GABRB1: variants seen among roughly 807,000 people sequenced by gnomAD.
GABRB1 encodes the protein gamma-aminobutyric acid receptor subunit beta-1.
A neutral mutation model predicts 51.6 loss-of-function variants in GABRB1; 17 were observed. That is an observed-to-expected ratio of 0.33 (90% CI 0.23 to 0.49). The LOEUF is 0.49. Ranked by LOEUF, GABRB1 falls within the 20% of genes least tolerant of loss-of-function variation. The probability of loss-of-function intolerance (pLI) is 0.99; values close to 1 mark genes in which losing one functional copy is unlikely to be tolerated. For missense variants in GABRB1, 410 were observed against 600.6 expected (o/e 0.68, Z 3.32); for synonymous variants, 247 against 218.9 (o/e 1.13, Z -1.14).
At chr4:47,420,027 A>G (rs969685583) in intron 8 of GABRB1, among the ~76,000 whole-genome samples, 13 of 152,174 alleles carry the variant, frequency 8.5e-5, no homozygotes, top group African/African-American at 3.1e-4. Context: ...TAAAAAAGAG[A>G]ATCCATTATG....
At chr4:47,289,039 CT>C (rs1004660682) in intron 4 of GABRB1, among the ~76,000 whole-genome samples, 30 of 147,806 alleles carry the variant, frequency 2.0e-4, no homozygotes, top group African/African-American at 3.5e-4. Context: ...GCACAAGCCT[CT>C]TTTTTTTTTG....
Position 47,403,331 on chromosome 4 carries a change from T to G in GABRB1, c.558T>G (p.Thr186=), listed in dbSNP as rs766659904. 1.9e-6 allele frequency: 3 copies of G among 1,614,036 alleles called. No individual in the cohort carries two copies. The highest frequency in any genetic ancestry group is 2.5e-6 in the Non-Finnish European group (3 of 1,179,908). ...TATTGGTTTCAGATGGCTATACCAC[T>G]GATGACATTGAATTTTACTGGAATG... ...TLEIESYGYT[T]DDIEFYWNGG... Residue 186 remains threonine (T), a synonymous_variant, in exon 6 of 9, where the codon ACT becomes ACG. Coordinates refer to ENST00000295454, the MANE Select transcript of GABRB1 (RefSeq NM_000812.4).
chr4:47,246,626 C>T (rs188448771), intron 4 of GABRB1, among the ~76,000 whole-genome samples: 1 of 151,476 alleles, frequency 6.6e-6, no homozygotes, highest in African/African-American at 2.4e-5. Flanking sequence ...AGTGGTTGTA[C>T]TAGTTTACAT....
chr4:47,372,632 C>T (rs1727236824), intron 5 of GABRB1, among the ~76,000 whole-genome samples: 1 of 152,210 alleles, frequency 6.6e-6, no homozygotes, highest in Non-Finnish European at 1.5e-5. Context: ...CAAGTCGGCT[C>T]TGTCACCCTG....
At chr4:47,302,419 AT>A (rs1196840037) in intron 4 of GABRB1, among the ~76,000 whole-genome samples, 1 of 152,006 alleles carries the variant, frequency 6.6e-6, no homozygotes, top group Non-Finnish European at 1.5e-5. Context: ...AGTTCGGCAT[AT>A]TTCTGAATAT....
chr4:47,422,397 A>G (rs1382104164), intron 8 of GABRB1, among the ~76,000 whole-genome samples: 2 of 152,106 alleles, frequency 1.3e-5, no homozygotes, highest in African/African-American at 2.4e-5. Flanking sequence ...GAGTCCATAC[A>G]AACTCCCTTC....
At chr4:46,995,919 G>T (rs1020814388) in intron 1 of GABRB1, among the ~76,000 whole-genome samples, 2 of 152,016 alleles carry the variant, frequency 1.3e-5, no homozygotes, top group Non-Finnish European at 2.9e-5. Flanking sequence ...TAGTATTTAA[G>T]TTCAGCTGAA....
intron 5 of GABRB1, among the ~76,000 whole-genome samples, chr4:47,378,333 G>T (rs549897385): frequency 1.3e-5 from 2 of 152,204 alleles, no homozygotes; most frequent in African/African-American, 2.4e-5. Context: ...CGGCAGGGCC[G>T]GCCGGCCGCT....
intron 5 of GABRB1, among the ~76,000 whole-genome samples, chr4:47,328,230 A>G (rs1213899485): frequency 6.6e-6 from 1 of 152,108 alleles, no homozygotes; most frequent in African/African-American, 2.4e-5. Context: ...TCAGATGAGT[A>G]GATTTCAAAA....
chr4:47,355,275 A>G (rs1016782916), intron 5 of GABRB1, among the ~76,000 whole-genome samples: 1 of 151,754 alleles, frequency 6.6e-6, no homozygotes, highest in Non-Finnish European at 1.5e-5. Flanking sequence ...GCCACCACAC[A>G]TGGCCTAGTC....
intron 1 of GABRB1, among the ~76,000 whole-genome samples, chr4:47,026,200 T>C (rs1042985792): frequency 1.3e-5 from 2 of 152,010 alleles, no homozygotes; most frequent in African/African-American, 4.8e-5. Flanking sequence ...TTCTAGCATT[T>C]TTTATTATAT....
intron 4 of GABRB1, among the ~76,000 whole-genome samples, chr4:47,184,207 C>A (rs999625031): frequency 1.3e-5 from 2 of 151,892 alleles, no homozygotes; most frequent in Non-Finnish European, 2.9e-5. Flanking sequence ...TATAACTCTG[C>A]CAGTCTGCCA....
chr4:47,311,181 G>A (rs1724659055), intron 4 of GABRB1, among the ~76,000 whole-genome samples: 1 of 151,760 alleles, frequency 6.6e-6, no homozygotes, highest in Non-Finnish European at 1.5e-5. Context: ...ATCATTTGAG[G>A]TCAGGAGTTC....
intron 1 of GABRB1, among the ~76,000 whole-genome samples, chr4:47,005,670 A>C (rs905735839): frequency 6.7e-6 from 1 of 149,566 alleles, no homozygotes; most frequent in African/African-American, 2.5e-5. Flanking sequence ...CCAAGGACTA[A>C]AAATGTCCTT....
chr4:47,297,042 AG>A (rs1691319773), intron 4 of GABRB1, among the ~76,000 whole-genome samples: 1 of 152,192 alleles, frequency 6.6e-6, no homozygotes. Flanking sequence ...GCAGAAATAA[AG>A]ATGTTCTTTG....
rs577430044 is a variant in GABRB1 at position 47,293,617 on chromosome 4, T to C, written c.462-26510T>C. Among the ~76,000 whole-genome samples, 50 of 152,358 alleles carry C rather than the reference T, an allele frequency of 3.3e-4. No homozygotes were observed. The South Asian group carries it at 9.7e-3, about 30-fold the overall frequency. ...CAAAAAATTATGAAAGATTTGAACA[T>C]TTAATTAAGATAAGGTCATGGATGC... On this transcript the variant is annotated intron_variant, in intron 4 of 8. Coordinates refer to ENST00000295454, the MANE Select transcript of GABRB1 (RefSeq NM_000812.4).
chr4:47,063,836 G>A (rs1188133349), intron 3 of GABRB1, among the ~76,000 whole-genome samples: 1 of 152,050 alleles, frequency 6.6e-6, no homozygotes, highest in African/African-American at 2.4e-5. Flanking sequence ...GCCGAACAAT[G>A]AGAACACATG....
chr4:47,363,531 C>T (rs1448615115), intron 5 of GABRB1, among the ~76,000 whole-genome samples: 1 of 152,072 alleles, frequency 6.6e-6, no homozygotes, highest in East Asian at 1.9e-4. Flanking sequence ...ACCACTCTCC[C>T]AGGTCATATT....
chr4:47,328,774 G>C (rs755339612), intron 5 of GABRB1, among the ~76,000 whole-genome samples: 30 of 152,120 alleles, frequency 2.0e-4, no homozygotes, highest in Non-Finnish European at 3.4e-4. Context: ...TTGTGGGGAG[G>C]GGGGAGCGGG....
Sources: allele counts gnomAD v4.1 joint callset (sites outside exome capture counted in the v4.1 genomes callset), GRCh38; gene constraint gnomAD v4.1.1; transcripts MANE v1.5; gene names NCBI Gene and HGNC (gene_info 2026-07-23, HGNC 2026-07-21).